The following NHS variants were observed in gnomAD, a reference collection of about 807,000 sequenced individuals.
NHS encodes the protein NHS actin remodeling regulator, also known as actin remodeling regulator NHS.
NHS carries 5 observed loss-of-function variants against 72.5 expected under a neutral mutation model. The observed-to-expected ratio is 0.07, with a 90% CI of 0.04 to 0.14. NHS has a LOEUF of 0.14. Ranked by LOEUF, NHS falls within the 10% of genes least tolerant of loss-of-function variation. The pLI, the probability that NHS is intolerant of heterozygous loss-of-function variation, is 1.00. For synonymous variants in NHS, 464 were observed against 547.7 expected, an observed-to-expected ratio of 0.85 and a Z score of 2.13; for missense variants, 1,072 against 1,355.7, an observed-to-expected ratio of 0.79 and a Z score of 3.29.
intron 1 of NHS, among the ~76,000 whole-genome samples, chrX:17,624,628 GT>G: frequency 8.8e-6 from 1 of 113,319 alleles, no homozygotes; most frequent in Non-Finnish European, 1.9e-5. Flanking sequence ...ACAGTGGCTT[GT>G]TCATTCTCAT....
At chrX:17,697,004 A>C (rs1013501122) in intron 3 of NHS, among the ~76,000 whole-genome samples, 1 of 111,412 alleles carries the variant, frequency 9.0e-6, no homozygotes, top group Non-Finnish European at 1.9e-5. Context: ...TAAAACCACC[A>C]CCAGAAAAAT....
At chrX:17,614,172 A>G (rs1177413430) in intron 1 of NHS, among the ~76,000 whole-genome samples, 1 of 112,418 alleles carries the variant, frequency 8.9e-6, no homozygotes, top group Non-Finnish European at 1.9e-5. Context: ...AGTGATAGCT[A>G]TAAGCAGTGG....
At chrX:17,480,978 T>G in intron 1 of NHS, among the ~76,000 whole-genome samples, 1 of 111,709 alleles carries the variant, frequency 9.0e-6, no homozygotes, top group Admixed American at 9.6e-5. Context: ...TGAGGGGTCA[T>G]GATGGCCAGT....
At chrX:17,712,683 G>A (rs1440796584) in intron 3 of NHS, among the ~76,000 whole-genome samples, 2 of 109,624 alleles carry the variant, frequency 1.8e-5, no homozygotes, top group Non-Finnish European at 3.8e-5. Flanking sequence ...TGTGGATTGG[G>A]TTTTTCATGA....
At chrX:17,491,480 G>A (rs970195797) in intron 1 of NHS, among the ~76,000 whole-genome samples, 6 of 111,528 alleles carry the variant, frequency 5.4e-5, no homozygotes, top group Admixed American at 9.5e-5. Context: ...TAACTTGATC[G>A]TGGTGGATAA....
chrX:17,550,877 C>T (rs972340628), intron 1 of NHS, among the ~76,000 whole-genome samples: 1 of 111,529 alleles, frequency 9.0e-6, no homozygotes, highest in African/African-American at 3.3e-5. Context: ...GTGATCTGGC[C>T]CACTGTATCT....
chrX:17,667,269 C>T, intron 1 of NHS, among the ~76,000 whole-genome samples: 1 of 112,302 alleles, frequency 8.9e-6, no homozygotes, highest in Non-Finnish European at 1.9e-5. Flanking sequence ...CACTAATAGA[C>T]TCTGCCGTTG....
At chrX:17,532,859 C>G (rs1364471755) in intron 1 of NHS, among the ~76,000 whole-genome samples, 1 of 112,122 alleles carries the variant, frequency 8.9e-6, no homozygotes, top group African/African-American at 3.2e-5. Flanking sequence ...CTTTTCTTAA[C>G]TTATCTGAGC....
chrX:17,731,061 AC>A, intron 8 of NHS, among the ~76,000 whole-genome samples: 1 of 110,824 alleles, frequency 9.0e-6, no homozygotes, highest in Admixed American at 9.6e-5. Flanking sequence ...ATCCTGTCCC[AC>A]CCACACCTCC....
chrX:17,655,149 C>T (rs916267914), intron 1 of NHS, among the ~76,000 whole-genome samples: 1 of 112,100 alleles, frequency 8.9e-6, no homozygotes, highest in African/African-American at 3.2e-5. Context: ...ACATGCTCTA[C>T]GCCAGTCTCT....
chrX:17,454,312 GA>G (rs772402702), intron 1 of NHS, among the ~76,000 whole-genome samples: 1 of 111,960 alleles, frequency 8.9e-6, no homozygotes, highest in Non-Finnish European at 1.9e-5. Flanking sequence ...AGAGACCACA[GA>G]AAACATGGGC....
At chrX:17,483,413 C>T (rs897445496) in intron 1 of NHS, among the ~76,000 whole-genome samples, 3 of 111,813 alleles carry the variant, frequency 2.7e-5, no homozygotes, top group Non-Finnish European at 5.6e-5. Context: ...ATCTGTAATT[C>T]CTATTGGTAA....
intron 1 of NHS, among the ~76,000 whole-genome samples, chrX:17,659,754 A>G (rs2065973997): frequency 8.9e-6 from 1 of 112,382 alleles, no homozygotes; most frequent in Non-Finnish European, 1.9e-5. Flanking sequence ...ACACTAATCT[A>G]TGCCCTGCAC....
intron 1 of NHS, among the ~76,000 whole-genome samples, chrX:17,615,196 A>G (rs1171040137): frequency 1.2e-5 from 1 of 82,727 alleles, no homozygotes; most frequent in African/African-American, 6.1e-5. Flanking sequence ...ATATATACAC[A>G]TATATACGTA....
chrX:17,624,399 G>A (rs1183607490), intron 1 of NHS, among the ~76,000 whole-genome samples: 1 of 112,363 alleles, frequency 8.9e-6, no homozygotes, highest in Admixed American at 9.4e-5. Context: ...ACACACTCCT[G>A]TACCGGCTAC....
intron 1 of NHS, among the ~76,000 whole-genome samples, chrX:17,387,240 T>C (rs1399458986): frequency 1.8e-5 from 2 of 112,270 alleles, no homozygotes; most frequent in African/African-American, 3.2e-5. Context: ...AGTGGTTTGC[T>C]GAAATCAAGA....
rs748455185 is a variant in NHS, at chrX:17,615,117, T to C, written c.566-72625T>C. ...GTATATATATATGTATATATATATA[T>C]ACACACATATACATATGTGTGTATA... On this transcript the variant is annotated intron_variant, in intron 1 of 8. Transcript: ENST00000676302. Among the ~76,000 whole-genome samples the C allele has an allele frequency of 2.9e-3, 287 of 97,901 alleles. 1 individual carries two copies. The highest frequency in any genetic ancestry group is 0.01 in the Middle Eastern group (2 of 192). The allele number at this position is 97,901 out of a possible 115,157, so 85.0% of individuals were successfully genotyped here. A position where few individuals can be genotyped will look rare whatever the true frequency, so the allele number is the denominator to read the frequency against.
At chrX:17,378,059 C>CGTGTGTGTGTGTGTGT (rs34807039) in intron 1 of NHS, among the ~76,000 whole-genome samples, 1,830 of 101,028 alleles carry the variant, frequency 0.018, 48 homozygotes, top group African/African-American at 0.064. Context: ...ATACATTTCC[C>CGTGTGTGTGTGTGTGT]GTGTGTGTGT....
intron 1 of NHS, among the ~76,000 whole-genome samples, chrX:17,493,866 T>C (rs1239950908): frequency 9.0e-6 from 1 of 110,904 alleles, no homozygotes; most frequent in East Asian, 2.8e-4. Context: ...AGCTTTCCGC[T>C]GACTTCCAAG....
Sources: allele counts gnomAD v4.1 joint callset (sites outside exome capture counted in the v4.1 genomes callset), GRCh38; gene constraint gnomAD v4.1.1; transcripts MANE v1.5; gene names NCBI Gene and HGNC (gene_info 2026-07-23, HGNC 2026-07-21).